ARMC3: variants seen among roughly 807,000 people sequenced by gnomAD.
ARMC3 encodes the protein armadillo repeat-containing protein 3.
In ARMC3, 74 loss-of-function variants were observed where a neutral mutation model predicts 90.3. The observed-to-expected ratio is 0.82, with a 90% CI of 0.68 to 0.99. The LOEUF is 0.99. ARMC3 is among the 50% of genes least tolerant of loss of function. ARMC3 has a pLI of 0.00. For missense variants in ARMC3, 958 were observed against 1,042.8 expected, an observed-to-expected ratio of 0.92 and a Z score of 1.12; for synonymous variants, 334 against 361.8, an observed-to-expected ratio of 0.92 and a Z score of 0.87.
intron 3 of ARMC3, among the ~76,000 whole-genome samples, chr10:22,950,765 G>A (rs376749515): frequency 5.9e-5 from 9 of 151,868 alleles, no homozygotes; most frequent in Non-Finnish European, 1.3e-4. Context: ...CAAAAATAAC[G>A]CAAAAGGATG....
Position 22,998,223 on chromosome 10 carries a change from C to T in ARMC3, c.1251C>T (p.Asn417=), listed in dbSNP as rs368113621. The part of the protein sequence containing the change: ...LSSKRDGAIA[N]AATVLTNMAM... ...GTAAACGAGATGGAGCCATTGCCAACGCTGCTACAGTATTAACAAACATGG... is the reference window on the plus strand; with the variant it reads ...GTAAACGAGATGGAGCCATTGCCAATGCTGCTACAGTATTAACAAACATGG... Residue 417 remains asparagine, a synonymous_variant, in exon 11 of 19, where the codon AAC becomes AAT. Transcript: ENST00000298032. The T allele has an allele frequency of 9.1e-4, 1,475 of 1,613,158 alleles. 18 individuals carry two copies. The South Asian group carries it at 0.015, about 17-fold the overall frequency.
intron 2 of ARMC3, among the ~76,000 whole-genome samples, chr10:22,940,745 C>T (rs982337071): frequency 6.6e-6 from 1 of 152,184 alleles, no homozygotes; most frequent in Non-Finnish European, 1.5e-5. Flanking sequence ...CTCAGCCTCC[C>T]AAAGTGCTGG....
chr10:22,962,454 C>G (rs1021330192), intron 7 of ARMC3, among the ~76,000 whole-genome samples: 4 of 152,066 alleles, frequency 2.6e-5, no homozygotes, highest in Admixed American at 6.5e-5. Context: ...CTAATAAGCT[C>G]CTTAAGAATC....
chr10:22,985,045 C>CTT (rs1833260624), intron 10 of ARMC3, among the ~76,000 whole-genome samples: 1 of 90,892 alleles, frequency 1.1e-5, no homozygotes, highest in Non-Finnish European at 2.2e-5. Context: ...GTTAATTTTT[C>CTT]ATTTTTTTTT....
chr10:23,008,485 T>C (rs575936144), intron 15 of ARMC3, 111 bp downstream of exon 15: 1 of 686,626 alleles, frequency 1.5e-6, no homozygotes, highest in Admixed American at 3.1e-5. Context: ...CTTCTTATGG[T>C]AATACAATTG....
intron 2 of ARMC3, among the ~76,000 whole-genome samples, chr10:22,933,088 C>A (rs1324466091): frequency 3.3e-5 from 5 of 152,130 alleles, no homozygotes. Context: ...CACTTGCACC[C>A]CTGTGCAATC....
intron 16 of ARMC3, among the ~76,000 whole-genome samples, chr10:23,019,199 G>A (rs1838408770): frequency 6.6e-6 from 1 of 152,338 alleles, no homozygotes; most frequent in South Asian, 2.1e-4. Context: ...AAGCTGTTTA[G>A]GGGTGTTTGG....
At chr10:23,011,101 T>C (rs1464616220) in intron 16 of ARMC3, among the ~76,000 whole-genome samples, 1 of 151,742 alleles carries the variant, frequency 6.6e-6, no homozygotes, top group Non-Finnish European at 1.5e-5. Context: ...CCCTTTGGCC[T>C]CTCTGAGCCT....
intron 10 of ARMC3, among the ~76,000 whole-genome samples, chr10:22,983,450 A>G (rs1305782372): frequency 6.6e-6 from 1 of 152,196 alleles, no homozygotes; most frequent in Non-Finnish European, 1.5e-5. Flanking sequence ...CGACTTCTCT[A>G]CTACAGTCAA....
At chr10:23,007,967 G>A (rs1413596701) in intron 14 of ARMC3, among the ~76,000 whole-genome samples, 5 of 152,054 alleles carry the variant, frequency 3.3e-5, no homozygotes, top group African/African-American at 1.2e-4. Context: ...AGCTGGGTAT[G>A]GTAGCACATG....
chr10:23,023,915 G>C (rs1016960356), intron 16 of ARMC3, among the ~76,000 whole-genome samples: 1 of 152,142 alleles, frequency 6.6e-6, no homozygotes, highest in Non-Finnish European at 1.5e-5. Context: ...AGAGGAGAGA[G>C]GGTAGGGCTG....
chr10:22,947,181 C>T (rs572356358), intron 3 of ARMC3, among the ~76,000 whole-genome samples: 1 of 151,938 alleles, frequency 6.6e-6, no homozygotes, highest in East Asian at 1.9e-4. Flanking sequence ...TGGCACATGT[C>T]TGTAGTCCCA....
intron 8 of ARMC3, among the ~76,000 whole-genome samples, chr10:22,972,947 C>T (rs1835740760): frequency 6.6e-6 from 1 of 152,084 alleles, no homozygotes; most frequent in Non-Finnish European, 1.5e-5. Context: ...AGGGAGCCCC[C>T]AGATCATCTT....
In ARMC3 at chr10:23,001,962, G is replaced by A; in HGVS notation, c.1469G>A (p.Arg490His). ...TTGGAGCCCCTGGTAGAGCTGCTAC[G>A]CTCCAAGAATGATGAAGTGAGGAAG... ...GGLEPLVELL[R>H]SKNDEVRKHA... The change falls in exon 12 of 19, where the codon CGC becomes CAC. Residue 490 changes from arginine to histidine, a missense_variant. Physicochemically the swap from Arg to His is conservative, Grantham distance 29 (BLOSUM62 0). Coordinates refer to ENST00000298032, the MANE Select transcript of ARMC3 (RefSeq NM_173081.5). The A allele has an allele frequency of 3.1e-6, 5 of 1,613,828 alleles. No individual in the cohort carries two copies. The highest frequency in any genetic ancestry group is 2.2e-5 in the South Asian group (2 of 91,062).
intron 10 of ARMC3, among the ~76,000 whole-genome samples, chr10:22,989,549 A>G (rs1161024651): frequency 1.3e-5 from 2 of 152,186 alleles, no homozygotes; most frequent in Non-Finnish European, 2.9e-5. Context: ...GAATTAGAAT[A>G]CTCACAAGAT....
At chr10:22,979,487 A>T (rs1394363508) in intron 8 of ARMC3, among the ~76,000 whole-genome samples, 4 of 152,212 alleles carry the variant, frequency 2.6e-5, no homozygotes, top group African/African-American at 9.6e-5. Flanking sequence ...CAAGAATTGT[A>T]AATGTACTGT....
intron 4 of ARMC3, among the ~76,000 whole-genome samples, chr10:22,957,492 G>A (rs1241178520): frequency 1.3e-5 from 2 of 152,160 alleles, no homozygotes; most frequent in African/African-American, 4.8e-5. Flanking sequence ...TGTTTCCGGA[G>A]ATGGCAACAG....
At chr10:22,965,412 G>A (rs10828386) in intron 7 of ARMC3, among the ~76,000 whole-genome samples, 15,079 of 152,138 alleles carry the variant, frequency 0.099, 861 homozygotes, top group African/African-American at 0.15. Context: ...TTCAGCCATT[G>A]AGCTGAACTA....
In ARMC3 at chr10:22,959,088, T is replaced by C; in HGVS notation, c.311T>C (p.Leu104Ser). ...LASNNDVKKL[L>S]RELDVMNSVI... ...TTTGTAGATGATGTTAAAAAATTGTTAAGGGAGTTAGATGTCATGAATTCT... is the reference window on the plus strand; with the variant it reads ...TTTGTAGATGATGTTAAAAAATTGTCAAGGGAGTTAGATGTCATGAATTCT... The change falls in exon 5 of 19, where the codon TTA (leucine) becomes TCA (serine). Residue 104 changes from leucine to serine, a missense_variant. By Grantham distance (145) the Leu-to-Ser change is moderately radical. Coordinates refer to ENST00000298032, the MANE Select transcript of ARMC3 (RefSeq NM_173081.5). The C allele has an allele frequency of 1.2e-6, 2 of 1,611,518 alleles. No individual in the cohort carries two copies. Among genetic ancestry groups the C allele is most frequent in the Non-Finnish European group, 1.7e-6 (2 of 1,177,666 alleles).
Sources: allele counts gnomAD v4.1 joint callset (sites outside exome capture counted in the v4.1 genomes callset), GRCh38; gene constraint gnomAD v4.1.1; transcripts MANE v1.5; gene names NCBI Gene and HGNC (gene_info 2026-07-23, HGNC 2026-07-21).